The following CLSTN2 variants were observed in gnomAD, a reference collection of about 807,000 sequenced individuals.
CLSTN2 encodes calsyntenin-2.
Under a neutral mutation model 101.2 loss-of-function variants are expected in CLSTN2, and 48 were observed. The ratio of observed to expected loss-of-function variants is 0.47; its 90% CI spans 0.38 to 0.60. The LOEUF (loss-of-function observed/expected upper bound fraction) is 0.60. CLSTN2 is among the 20% of genes least tolerant of loss of function. CLSTN2 has a pLI of 0.00. For synonymous variants in CLSTN2, 481 were observed against 463.6 expected, an observed-to-expected ratio of 1.04 and a Z score of -0.48; for missense variants, 1,160 against 1,238.2, an observed-to-expected ratio of 0.94 and a Z score of 0.95.
At chr3:139,969,127 G>C (rs971419148) in intron 1 of CLSTN2, among the ~76,000 whole-genome samples, 1 of 152,140 alleles carries the variant, frequency 6.6e-6, no homozygotes, top group African/African-American at 2.4e-5. Flanking sequence ...AGATGGATAG[G>C]AAGGGTCTTA....
intron 2 of CLSTN2, among the ~76,000 whole-genome samples, chr3:140,364,572 C>CTAAG (rs1243247151): frequency 6.6e-6 from 1 of 152,044 alleles, no homozygotes; most frequent in East Asian, 1.9e-4. Context: ...GGAGCAGGAG[C>CTAAG]TAAGGGTGGG....
intron 5 of CLSTN2, among the ~76,000 whole-genome samples, chr3:140,425,271 G>T (rs2088554491): frequency 6.6e-6 from 1 of 152,184 alleles, no homozygotes; most frequent in African/African-American, 2.4e-5. Flanking sequence ...CACAGCTGGA[G>T]CCTTTCCTTC....
At position 140,059,021 on chromosome 3, in the gene CLSTN2, G is replaced by A. The variant is rs1011961105; in HGVS notation, c.110-116930G>A. ...TTGGCACCCAATTAGCAGAAGTTAGGCATGTAAAGACCCATGGCAGTAGTA... is the reference window on the plus strand; with the variant it reads ...TTGGCACCCAATTAGCAGAAGTTAGACATGTAAAGACCCATGGCAGTAGTA... On this transcript the variant is annotated intron_variant, in intron 1 of 16. Coordinates refer to ENST00000458420, the MANE Select transcript of CLSTN2 (RefSeq NM_022131.3). Among the ~76,000 whole-genome samples the A allele has an allele frequency of 8.0e-5, 12 of 150,316 alleles. No individual in the cohort carries two copies. In the South Asian group the frequency reaches 1.0e-3, roughly 13 times the overall value.
chr3:140,091,261 G>A (rs2008775635), intron 1 of CLSTN2, among the ~76,000 whole-genome samples: 1 of 152,174 alleles, frequency 6.6e-6, no homozygotes, highest in African/African-American at 2.4e-5. Context: ...CGGGCAGGGA[G>A]AGATGACTCA....
chr3:140,532,159 A>G (rs6800108), intron 8 of CLSTN2, among the ~76,000 whole-genome samples, 165 bp from the exon 9 acceptor site: 6,290 of 152,180 alleles, frequency 0.041, 422 homozygotes, highest in African/African-American at 0.14. Flanking sequence ...GTTTGATGAC[A>G]AGCTTCTATA....
At chr3:140,493,077 C>T (rs1034183484) in intron 8 of CLSTN2, among the ~76,000 whole-genome samples, 1 of 152,192 alleles carries the variant, frequency 6.6e-6, no homozygotes, top group Non-Finnish European at 1.5e-5. Context: ...TTCTAATTTA[C>T]AACCAAGACC....
intron 1 of CLSTN2, among the ~76,000 whole-genome samples, chr3:140,101,338 G>A (rs1409199803): frequency 6.6e-6 from 1 of 152,114 alleles, no homozygotes; most frequent in African/African-American, 2.4e-5. Context: ...ATTCATATTG[G>A]TTATTACTGC....
rs146951102 is a variant in CLSTN2 at position 140,403,943 on chromosome 3, C to G, written c.428+119C>G. ...GTCACACAATGGTGCTCCAACTTTG[C>G]TCAACTGCTTGGCAGTTTCCTGGTC... On this transcript the variant is annotated intron_variant, in intron 3 of 16. Coordinates refer to ENST00000458420, the MANE Select transcript of CLSTN2 (RefSeq NM_022131.3). 834 of 848,780 alleles carry G rather than the reference C, an allele frequency of 9.8e-4. 9 individuals carry two copies. In the East Asian group the frequency reaches 0.02, roughly 21 times the overall value. 52.6% of individuals were successfully genotyped at this position (848,780 alleles called of 1,614,324 possible).
intron 2 of CLSTN2, among the ~76,000 whole-genome samples, chr3:140,301,011 G>C (rs986096122): frequency 6.6e-5 from 10 of 152,026 alleles, no homozygotes; most frequent in Non-Finnish European, 2.9e-5. Context: ...CTATGTCCCA[G>C]CTCAAGCAGG....
chr3:140,176,660 G>T (rs564250229), intron 2 of CLSTN2, among the ~76,000 whole-genome samples: 2 of 152,342 alleles, frequency 1.3e-5, no homozygotes, highest in East Asian at 1.9e-4. Flanking sequence ...CCCTCTTCGA[G>T]GGGTAGGCCC....
intron 2 of CLSTN2, among the ~76,000 whole-genome samples, chr3:140,181,709 T>TAC (rs10549079): frequency 7.6e-4 from 115 of 151,704 alleles, no homozygotes; most frequent in African/African-American, 2.7e-3. Flanking sequence ...GTCCTTTTAT[T>TAC]ACACACACAC....
chr3:140,117,568 T>G (rs2009266639), intron 1 of CLSTN2, among the ~76,000 whole-genome samples: 1 of 152,174 alleles, frequency 6.6e-6, no homozygotes, highest in African/African-American at 2.4e-5. Context: ...GGGTCGCCTC[T>G]TGGGGTAGGA....
At chr3:140,464,446 G>A (rs1230024353) in intron 7 of CLSTN2, among the ~76,000 whole-genome samples, 1 of 152,208 alleles carries the variant, frequency 6.6e-6, no homozygotes, top group African/African-American at 2.4e-5. Flanking sequence ...AAGATTCAAT[G>A]AAGAATTCCT....
intron 2 of CLSTN2, among the ~76,000 whole-genome samples, chr3:140,367,141 A>C (rs1246560641): frequency 1.3e-5 from 2 of 152,214 alleles, no homozygotes; most frequent in Non-Finnish European, 2.9e-5. Context: ...AGGACACATA[A>C]AAAGGAGAAG....
At chr3:140,534,119 G>A (rs1190719991) in intron 9 of CLSTN2, among the ~76,000 whole-genome samples, 1 of 152,168 alleles carries the variant, frequency 6.6e-6, no homozygotes, top group Non-Finnish European at 1.5e-5. Context: ...TTCAGAGGTT[G>A]CGCAGGAATC....
At chr3:140,558,910 A>G in intron 12 of CLSTN2, 53 bp downstream of exon 12, 2 of 1,385,590 alleles carry the variant, frequency 1.4e-6, no homozygotes, top group Non-Finnish European at 2.0e-6. Context: ...TTTTACAGCC[A>G]TGTGAAAACA....
intron 1 of CLSTN2, among the ~76,000 whole-genome samples, chr3:140,132,456 A>G (rs2009537670): frequency 1.3e-5 from 2 of 152,178 alleles, no homozygotes; most frequent in African/African-American, 4.8e-5. Flanking sequence ...GATGCAAAGG[A>G]AAGAAGGGGT....
At position 140,091,313 on chromosome 3, in the gene CLSTN2, C is replaced by A. The variant is rs192886289; in HGVS notation, c.110-84638C>A. 1.7e-3 allele frequency among the ~76,000 whole-genome samples: 266 copies of A among 152,278 alleles called. 1 individual carries two copies. Among genetic ancestry groups the A allele is most frequent in the African/African-American group, 6.0e-3 (250 of 41,550 alleles). Reference sequence around the variant, plus strand: ...CTTGGTAATATGTCCTGAACAGACTCTTGAGCCTTAACAAAGCAGTGCAAA... The same window carrying A: ...CTTGGTAATATGTCCTGAACAGACTATTGAGCCTTAACAAAGCAGTGCAAA... On this transcript the variant is annotated intron_variant, in intron 1 of 16. Transcript: ENST00000458420.
intron 1 of CLSTN2, among the ~76,000 whole-genome samples, chr3:140,059,017 T>G (rs899082620): frequency 6.7e-6 from 1 of 150,286 alleles, no homozygotes; most frequent in African/African-American, 2.4e-5. Context: ...TTAGCAGAAG[T>G]TAGGCATGTA....
Sources: allele counts gnomAD v4.1 joint callset (sites outside exome capture counted in the v4.1 genomes callset), GRCh38; gene constraint gnomAD v4.1.1; transcripts MANE v1.5; gene names NCBI Gene and HGNC (gene_info 2026-07-23, HGNC 2026-07-21).